CCDC191: variants seen among roughly 807,000 people sequenced by gnomAD.
CCDC191 encodes coiled-coil domain containing 191, also known as coiled-coil domain-containing protein 191.
Under a neutral mutation model 114.0 loss-of-function variants are expected in CCDC191, and 99 were observed. The ratio of observed to expected loss-of-function variants is 0.87; its 90% confidence interval spans 0.74 to 1.03. The LOEUF is 1.03. CCDC191 is among the 50% of genes least tolerant of loss of function. CCDC191 has a pLI of 0.00. For missense variants in CCDC191, 973 were observed against 1,087.0 expected, an observed-to-expected ratio of 0.90 and a Z score of 1.47; for synonymous variants, 351 against 376.0, an observed-to-expected ratio of 0.93 and a Z score of 0.77.
chr3:114,010,216 A>C (rs1298610898), intron 9 of CCDC191, among the ~76,000 whole-genome samples: 1 of 152,192 alleles, frequency 6.6e-6, no homozygotes, highest in Non-Finnish European at 1.5e-5. Context: ...GGCCTGACTA[A>C]AGAAAATTTA....
rs768569928 is a variant in CCDC191 at position 114,056,478 on chromosome 3, G to A, written c.-12C>T. 1.8e-5 allele frequency: 29 copies of A among 1,613,850 alleles called. No individual in the cohort carries two copies. The highest frequency in any genetic ancestry group is 2.4e-5 in the Non-Finnish European group (28 of 1,180,016). On this transcript the variant is annotated 5_prime_UTR_variant, in exon 1 of 17. Transcript: ENST00000295878. ...GGCGCCAGGAGCATTTTCCAAGTTC[G>A]AGCCCGAACCTCGGCCAAAGCTGCA...
chr3:114,006,615 T>TAAAA (rs1553747213), intron 9 of CCDC191, among the ~76,000 whole-genome samples: 19 of 84,770 alleles, frequency 2.2e-4, no homozygotes, highest in African/African-American at 5.8e-4. Context: ...TATATATATA[T>TAAAA]ATAAATATAT....
intron 7 of CCDC191, among the ~76,000 whole-genome samples, chr3:114,019,461 G>C (rs1295248562): frequency 1.3e-5 from 2 of 152,142 alleles, no homozygotes; most frequent in Non-Finnish European, 2.9e-5. Context: ...ACATGCACTT[G>C]ACAGCAAATT....
intron 11 of CCDC191, chr3:114,003,758 G>T (rs2075896870): frequency 1.0e-6 from 1 of 985,384 alleles, no homozygotes; most frequent in African/African-American, 1.7e-5. Context: ...GGAATTGACT[G>T]CAGGCACAGT....
At chr3:114,025,098 GT>G (rs2076300844) in intron 7 of CCDC191, among the ~76,000 whole-genome samples, 1 of 151,980 alleles carries the variant, frequency 6.6e-6, no homozygotes. Flanking sequence ...TTGCTGCTGG[GT>G]TCCATGGAAA....
intron 16 of CCDC191, 72 bp downstream of exon 16, chr3:113,978,114 T>C: frequency 1.9e-6 from 3 of 1,547,284 alleles, no homozygotes; most frequent in Non-Finnish European, 2.7e-6. Context: ...GCAGACACAT[T>C]GTAGGAGCAG....
intron 16 of CCDC191, among the ~76,000 whole-genome samples, chr3:113,977,959 A>G (rs2074990495): frequency 6.6e-6 from 1 of 152,198 alleles, no homozygotes; most frequent in African/African-American, 2.4e-5. Context: ...TCCGTGAGGT[A>G]GAAAGGGCAG....
chr3:114,014,672 G>C (rs1271867643), intron 8 of CCDC191, among the ~76,000 whole-genome samples: 4 of 152,096 alleles, frequency 2.6e-5, no homozygotes, highest in Non-Finnish European at 5.9e-5. Context: ...GCCTCTTTCA[G>C]AAGGTGGGTC....
Position 114,005,872 on chromosome 3 carries a change from T to C in CCDC191, c.1504A>G (p.Asn502Asp). ...SPPLGRTTTG[N>D]LQGSLQNVSL... ...ACATTCTGAAGGGAACCCTGCAAGT[T>C]GCCTGTTGTTGTTCTTCCCAGGGGA... The change falls in exon 10 of 17, where the codon AAC becomes GAC. Residue 502 changes from asparagine (N) to aspartate (D), a missense_variant. Coordinates refer to ENST00000295878, the MANE Select transcript of CCDC191 (RefSeq NM_020817.2). 6.2e-7 allele frequency: 1 copy of C among 1,614,126 alleles called. No homozygotes were observed. The highest frequency in any genetic ancestry group is 8.5e-7 in the Non-Finnish European group (1 of 1,179,982).
In CCDC191 at chr3:114,042,733, TG is replaced by T; in HGVS notation, c.384del (p.Asn129MetfsTer4). Reference protein sequence around the residue: ...TVSSVTIMPEANGHLKYDKFD... With the variant: ...TVSSVTIMPEXNGHLKYDKFD... Reference sequence around the variant, plus strand: ...AACTTGTCATATTTCAAATGGCCATTGGCTTCCGGCATAATAGTGACACTTG... The same window carrying T: ...AACTTGTCATATTTCAAATGGCCATTGCTTCCGGCATAATAGTGACACTTG... On this transcript the variant is annotated frameshift_variant, in exon 4 of 17. Transcript: ENST00000295878. LOFTEE classifies it high-confidence loss of function. 1 of 1,586,796 alleles carries T rather than the reference TG, an allele frequency of 6.3e-7. No homozygotes were observed. Among genetic ancestry groups the T allele is most frequent in the Non-Finnish European group, 8.5e-7 (1 of 1,170,200 alleles).
intron 5 of CCDC191, 43 bp downstream of exon 5, chr3:114,036,565 A>C: frequency 2.1e-6 from 3 of 1,407,468 alleles, no homozygotes; most frequent in Non-Finnish European, 2.9e-6. Flanking sequence ...TTACACAAAG[A>C]CTGCTTCCTG....
intron 2 of CCDC191, among the ~76,000 whole-genome samples, chr3:114,049,798 C>T (rs2076678018): frequency 6.6e-6 from 1 of 152,302 alleles, no homozygotes; most frequent in African/African-American, 2.4e-5. Context: ...TAAAACATTA[C>T]ATCCTTAATA....
intron 6 of CCDC191, among the ~76,000 whole-genome samples, chr3:114,033,798 G>A (rs186863459): frequency 6.6e-6 from 1 of 152,220 alleles, no homozygotes; most frequent in African/African-American, 2.4e-5. Flanking sequence ...ATGGCATCTG[G>A]AGGAAGCCTC....
chr3:114,015,531 T>C (rs570045517), intron 8 of CCDC191, among the ~76,000 whole-genome samples: 1 of 152,260 alleles, frequency 6.6e-6, no homozygotes, highest in East Asian at 1.9e-4. Flanking sequence ...TCTTCCCAAT[T>C]TTGTCTGGGG....
chr3:114,056,027 A>G (rs763228266), intron 1 of CCDC191, among the ~76,000 whole-genome samples: 162 of 151,970 alleles, frequency 1.1e-3, no homozygotes, highest in African/African-American at 3.3e-3. Flanking sequence ...AAAAAAAAAA[A>G]AGAGAGAGAA....
At chr3:114,003,864 C>T in intron 11 of CCDC191, 1 of 985,396 alleles carries the variant, frequency 1.0e-6, no homozygotes, top group Non-Finnish European at 1.2e-6. Flanking sequence ...AAAGTGCCAA[C>T]CACCACATGC....
chr3:114,041,472 T>C (rs146047497), intron 4 of CCDC191, among the ~76,000 whole-genome samples: 1 of 152,208 alleles, frequency 6.6e-6, no homozygotes, highest in African/African-American at 2.4e-5. Context: ...CGGAAACTTC[T>C]ATGAGAATTA....
In CCDC191 at chr3:114,032,934, T is replaced by C. The variant is rs545010551; in HGVS notation, c.819-1155A>G. Among the ~76,000 whole-genome samples, 5 of 152,328 alleles carry C rather than the reference T, an allele frequency of 3.3e-5. No individual in the cohort carries two copies. In the South Asian group the frequency reaches 6.2e-4, roughly 19 times the overall value. ...AATGCCATAACAATGTTATATTACA[T>C]GGTTATAGACAGGTGATAGTGATTG... On this transcript the variant is annotated intron_variant, in intron 6 of 16. Transcript: ENST00000295878.
intron 13 of CCDC191, among the ~76,000 whole-genome samples, chr3:113,986,718 C>T (rs2075371565): frequency 6.6e-6 from 1 of 152,106 alleles, no homozygotes; most frequent in South Asian, 2.1e-4. Context: ...TAAATGGGGT[C>T]CTAGGGTGCA....
Sources: gnomAD v4.1 joint callset for allele counts (sites outside exome capture counted in the v4.1 genomes callset) on GRCh38, gnomAD v4.1.1 for gene constraint, MANE v1.5 for transcripts, NCBI Gene and HGNC (gene_info 2026-07-23, HGNC 2026-07-21) for gene names.